Variants in CDH18 observed in about 807,000 individuals in gnomAD.
The protein encoded by CDH18 is cadherin 18.
In CDH18, 31 loss-of-function variants were observed where a neutral mutation model predicts 67.9. That is an observed-to-expected ratio of 0.46 (90% CI 0.34 to 0.62). The LOEUF is 0.62. Among genes scored for constraint, CDH18 ranks in the 20% least tolerant of loss-of-function variants. The pLI, the probability that CDH18 is intolerant of heterozygous loss-of-function variation, is 0.01. For synonymous variants in CDH18, 362 were observed against 347.2 expected, an observed-to-expected ratio of 1.04 and a Z score of -0.48; for missense variants, 890 against 975.5, an observed-to-expected ratio of 0.91 and a Z score of 1.17.
chr5:20,241,585 C>CTCA (rs1196366979), intron 2 of CDH18, among the ~76,000 whole-genome samples: 3 of 152,030 alleles, frequency 2.0e-5, no homozygotes, highest in African/African-American at 7.2e-5. Flanking sequence ...GGTGGGGTGG[C>CTCA]TCATGCCTGT....
chr5:20,386,636 G>A (rs975840509), intron 1 of CDH18, among the ~76,000 whole-genome samples: 4 of 152,048 alleles, frequency 2.6e-5, no homozygotes, highest in African/African-American at 9.7e-5. Flanking sequence ...TATTCAACTT[G>A]TATTCCCCCT....
In CDH18 at chr5:19,755,427, G is replaced by GTGTATA. The variant is rs1554024291; in HGVS notation, c.229-8192_229-8191insTATACA. Among the ~76,000 whole-genome samples the GTGTATA allele has an allele frequency of 1.1e-3, 47 of 44,668 alleles. 1 individual carries two copies. The highest frequency in any genetic ancestry group is 2.7e-3 in the African/African-American group (43 of 15,682). The allele number at this position is 44,668 out of a possible 152,430, so 29.3% of individuals were successfully genotyped here. The stretch of plus-strand genomic sequence containing the variant: ...TCTCTAGAGGGACAGAACTAACAGG[G>GTGTATA]TATGTATATATATATATATATATAT... On this transcript the variant is annotated intron_variant, in intron 3 of 12. Coordinates refer to ENST00000382275, the MANE Select transcript of CDH18 (RefSeq NM_004934.5).
chr5:20,019,751 A>G (rs937604321), intron 2 of CDH18, among the ~76,000 whole-genome samples: 6 of 152,210 alleles, frequency 3.9e-5, no homozygotes, highest in African/African-American at 1.4e-4. Flanking sequence ...AGAATGAACC[A>G]ACACAGAAAA....
intron 9 of CDH18, among the ~76,000 whole-genome samples, chr5:19,524,801 A>G (rs996069173): frequency 1.3e-5 from 2 of 152,182 alleles, no homozygotes; most frequent in African/African-American, 2.4e-5. Flanking sequence ...GCTGGAGTGC[A>G]GTGGCGCGAT....
At chr5:19,948,353 T>C (rs1795468697) in intron 2 of CDH18, among the ~76,000 whole-genome samples, 1 of 152,200 alleles carries the variant, frequency 6.6e-6, no homozygotes, top group African/African-American at 2.4e-5. Context: ...CAAATGTCCT[T>C]CAACGGGTGA....
At chr5:19,876,594 A>C (rs1190680033) in intron 2 of CDH18, among the ~76,000 whole-genome samples, 2 of 151,992 alleles carry the variant, frequency 1.3e-5, no homozygotes, top group Non-Finnish European at 2.9e-5. Flanking sequence ...TTGATTTGGG[A>C]TATCTGCAGG....
At chr5:19,627,389 C>T (rs1751707397) in intron 5 of CDH18, among the ~76,000 whole-genome samples, 1 of 151,912 alleles carries the variant, frequency 6.6e-6, no homozygotes, top group African/African-American at 2.4e-5. Flanking sequence ...ATACCTAAGC[C>T]AGAACAAAAC....
intron 1 of CDH18, among the ~76,000 whole-genome samples, chr5:20,301,042 G>T (rs1747940294): frequency 6.6e-6 from 1 of 151,860 alleles, no homozygotes; most frequent in African/African-American, 2.4e-5. Context: ...ATTAAAGATA[G>T]GCTGATGTTA....
chr5:19,980,603 A>C (rs1798937635), intron 2 of CDH18, among the ~76,000 whole-genome samples: 1 of 152,096 alleles, frequency 6.6e-6, no homozygotes, highest in South Asian at 2.1e-4. Context: ...GCTACTCCTT[A>C]GTTGCCAGTT....
intron 2 of CDH18, among the ~76,000 whole-genome samples, chr5:20,069,336 T>TG (rs1214562977): frequency 6.6e-6 from 1 of 152,056 alleles, no homozygotes; most frequent in Non-Finnish European, 1.5e-5. Context: ...AAAGGCTTCT[T>TG]GGTCAGTTTA....
At chr5:20,082,868 A>C (rs1461135606) in intron 2 of CDH18, among the ~76,000 whole-genome samples, 2 of 152,162 alleles carry the variant, frequency 1.3e-5, no homozygotes, top group Non-Finnish European at 2.9e-5. Context: ...AGAGGCATGG[A>C]ACAGATTCCT....
intron 1 of CDH18, among the ~76,000 whole-genome samples, chr5:20,496,750 T>C (rs1753932432): frequency 6.6e-6 from 1 of 152,120 alleles, no homozygotes; most frequent in African/African-American, 2.4e-5. Context: ...TAATTAGTAG[T>C]TGCTATGCTC....
At chr5:19,837,750 G>A (rs1431795383) in intron 3 of CDH18, among the ~76,000 whole-genome samples, 1 of 151,684 alleles carries the variant, frequency 6.6e-6, no homozygotes, top group Non-Finnish European at 1.5e-5. Flanking sequence ...CCACGGCTTA[G>A]ATGGAATACT....
intron 5 of CDH18, among the ~76,000 whole-genome samples, chr5:19,631,983 C>CT (rs1245363875): frequency 2.0e-5 from 3 of 152,046 alleles, no homozygotes; most frequent in Non-Finnish European, 4.4e-5. Context: ...GCAATGAAAC[C>CT]TTGGTTCCAC....
intron 2 of CDH18, among the ~76,000 whole-genome samples, chr5:20,190,378 T>C (rs899979113): frequency 6.6e-6 from 1 of 152,150 alleles, no homozygotes; most frequent in African/African-American, 2.4e-5. Flanking sequence ...ATGAATGATC[T>C]GCTTTGATTC....
intron 2 of CDH18, among the ~76,000 whole-genome samples, chr5:20,171,475 AT>A (rs905302263): frequency 1.5e-4 from 22 of 149,386 alleles, no homozygotes; most frequent in Admixed American, 4.7e-4. Context: ...TGACATTGAG[AT>A]TTTTTTTTTC....
chr5:20,458,094 G>A (rs1297289627), intron 1 of CDH18, among the ~76,000 whole-genome samples: 2 of 152,062 alleles, frequency 1.3e-5, no homozygotes, highest in Non-Finnish European at 2.9e-5. Flanking sequence ...GCCTATAGCA[G>A]CTTTTGTTTT....
At chr5:20,102,643 A>G (rs1746573067) in intron 2 of CDH18, among the ~76,000 whole-genome samples, 2 of 152,142 alleles carry the variant, frequency 1.3e-5, no homozygotes, top group Non-Finnish European at 2.9e-5. Flanking sequence ...CACTTCATCA[A>G]CCATTTAATT....
chr5:20,496,211 T>C (rs532371958), intron 1 of CDH18, among the ~76,000 whole-genome samples: 1 of 151,980 alleles, frequency 6.6e-6, no homozygotes, highest in African/African-American at 2.4e-5. Context: ...ATAAAGGAGA[T>C]TGCAAACCCC....
Sources: gnomAD v4.1 joint callset for allele counts (sites outside exome capture counted in the v4.1 genomes callset) on GRCh38, gnomAD v4.1.1 for gene constraint, MANE v1.5 for transcripts, NCBI Gene and HGNC (gene_info 2026-07-23, HGNC 2026-07-21) for gene names.